PCDHGB4: variants seen among roughly 807,000 people sequenced by gnomAD.
PCDHGB4 encodes the protein protocadherin gamma-B4.
A neutral mutation model predicts 60.5 loss-of-function variants in PCDHGB4; 38 were observed. The ratio of observed to expected loss-of-function variants is 0.63; its 90% CI spans 0.48 to 0.82. The LOEUF (loss-of-function observed/expected upper bound fraction) is 0.82. PCDHGB4 is among the 40% of genes least tolerant of loss of function. The pLI, the probability that PCDHGB4 is intolerant of heterozygous loss-of-function variation, is 0.00. For missense variants in PCDHGB4, 1,109 were observed against 1,209.6 expected (o/e 0.92, Z 1.23); for synonymous variants, 456 against 509.7 (o/e 0.89, Z 1.42).
At chr5:141,450,627 C>G (rs947866993) in intron 1 of PCDHGB4, among the ~76,000 whole-genome samples, 1 of 151,592 alleles carries the variant, frequency 6.6e-6, no homozygotes, top group African/African-American at 2.4e-5. Context: ...GCTGGGATTA[C>G]AGATGCCTGC....
chr5:141,463,424 CT>C (rs2099058999), intron 1 of PCDHGB4, among the ~76,000 whole-genome samples: 1 of 148,698 alleles, frequency 6.7e-6, no homozygotes, highest in Non-Finnish European at 1.5e-5. Flanking sequence ...TTTGCGGATC[CT>C]CATTTCCTTC....
chr5:141,433,159 T>C, intron 1 of PCDHGB4: 2 of 1,613,968 alleles, frequency 1.2e-6, no homozygotes, highest in Non-Finnish European at 1.7e-6. Flanking sequence ...CGGTATTTTC[T>C]AAAGACAGTC....
Position 141,387,704 on chromosome 5 carries a change from GC to G in PCDHGB4, c.-177del, listed in dbSNP as rs1273015763. On this transcript the variant is annotated 5_prime_UTR_variant, in exon 1 of 4. Coordinates refer to ENST00000519479, the MANE Select transcript of PCDHGB4 (RefSeq NM_003736.4). ...CAGCCGCAGCGCGCTTTCCAGGGCA[GC>G]CCCAGCTCAGACTCCCCAGCGCCAG... 1 of 969,516 alleles carries G rather than the reference GC, an allele frequency of 1.0e-6. No individual in the cohort carries two copies. Among genetic ancestry groups the G allele is most frequent in the African/African-American group, 1.6e-5 (1 of 60,796 alleles). 60.1% of individuals were successfully genotyped at this position (969,516 alleles called of 1,614,324 possible).
chr5:141,419,479 C>A, intron 1 of PCDHGB4: 2 of 1,612,390 alleles, frequency 1.2e-6, no homozygotes, highest in Non-Finnish European at 1.7e-6. Flanking sequence ...AGGGCTCGCC[C>A]GCGCTCAGCG....
chr5:141,405,609 G>A, intron 1 of PCDHGB4: 1 of 562,334 alleles, frequency 1.8e-6, no homozygotes. Context: ...AGAATAACTG[G>A]GACTACAGGC....
At position 141,432,065 on chromosome 5, in the gene PCDHGB4, AC is replaced by A; in HGVS notation, c.2397+41785del. 1.2e-6 allele frequency: 2 copies of A among 1,614,048 alleles called. No homozygotes were observed. The highest frequency in any genetic ancestry group is 1.7e-6 in the Non-Finnish European group (2 of 1,180,006). On this transcript the variant is annotated intron_variant, in intron 1 of 3. Transcript: ENST00000519479. The surrounding 1 kb of genome is among the most constrained non-coding windows in gnomAD (Gnocchi z 6.0). ...GGGAACCCCGCCCCTATCCACGGAA[AC>A]TCATATCTCGCTGAACGTGGCAGAC...
intron 1 of PCDHGB4, chr5:141,426,221 A>G (rs1279749881): frequency 6.3e-6 from 1 of 158,300 alleles, no homozygotes; most frequent in Non-Finnish European, 1.4e-5. Context: ...GGAAGTAAAT[A>G]TTTTAAAAGC....
At chr5:141,399,708 A>C (rs769072460) in intron 1 of PCDHGB4, 50 of 1,613,374 alleles carry the variant, frequency 3.1e-5, no homozygotes, top group Non-Finnish European at 4.2e-5. Context: ...TCGAACTCAC[A>C]CTACAGGCCC....
intron 1 of PCDHGB4, chr5:141,410,849 CTTTT>C (rs759346998): frequency 4.9e-3 from 673 of 137,520 alleles, no homozygotes; most frequent in South Asian, 8.7e-3. Flanking sequence ...TTGTCTTTGT[CTTTT>C]TTTTTTTTTT....
rs759642890 is a variant in PCDHGB4 at position 141,389,812 on chromosome 5, C to A, written c.1928C>A (p.Ala643Asp). ...GCCGTCCGCCAGCGCCTTCTGGTCG[C>A]CGTGCGTGACGGTGGACAGCCACCA... The part of the protein sequence containing the change: ...RDAVRQRLLV[A>D]VRDGGQPPLS... Residue 643 changes from alanine (A) to aspartate (D), a missense_variant, in exon 1 of 4, where the codon GCC becomes GAC. By Grantham distance (126) the Ala-to-Asp change is moderately radical. This residue lies in a region of PCDHGB4 where 1,068 missense variants were observed against 1,089.9 expected (regional missense o/e 0.98). Transcript: ENST00000519479. 6.8e-6 allele frequency: 11 copies of A among 1,613,768 alleles called. No individual in the cohort carries two copies. The South Asian group carries it at 1.2e-4, about 18-fold the overall frequency.
At chr5:141,413,151 T>C (rs1192899612) in intron 1 of PCDHGB4, 5 of 1,573,560 alleles carry the variant, frequency 3.2e-6, no homozygotes, top group South Asian at 1.2e-5. Context: ...GTGAGGACTT[T>C]GCAGAATTCT....
chr5:141,487,695 C>T lies in PCDHGB4; in HGVS notation c.2398-7112C>T, dbSNP rs1345224043. The stretch of plus-strand genomic sequence containing the variant: ...TGGCTAGGCCATGTCCTAGAGAGTA[C>T]TGGCCTCTCAGTAAGTGCCCATAGT... On this transcript the variant is annotated intron_variant, in intron 1 of 3. Coordinates refer to ENST00000519479, the MANE Select transcript of PCDHGB4 (RefSeq NM_003736.4). The surrounding 1 kb of genome is among the most constrained non-coding windows in gnomAD (Gnocchi z 5.0). 2 of 1,601,306 alleles carry T rather than the reference C, an allele frequency of 1.2e-6. No individual in the cohort carries two copies. Among genetic ancestry groups the T allele is most frequent in the East Asian group, 2.2e-5 (1 of 44,606 alleles).
At position 141,388,735 on chromosome 5, in the gene PCDHGB4, C is replaced by A; in HGVS notation, c.851C>A (p.Ala284Asp). 6.2e-7 allele frequency: 1 copy of A among 1,613,974 alleles called. No individual in the cohort carries two copies. The highest frequency in any genetic ancestry group is 2.2e-5 in the East Asian group (1 of 44,878). ...NAEITFSFSE[A>D]SQITQFDLNS... ...GAGATTACTTTCTCTTTCAGTGAAG[C>A]TAGCCAGATCACCCAATTTGACCTG... Residue 284 changes from alanine (A) to aspartate (D), a missense_variant, in exon 1 of 4, where the codon GCT (alanine) becomes GAT (aspartate). Ala to Asp is a moderately radical substitution (Grantham distance 126). This residue lies in a region of PCDHGB4 where 1,068 missense variants were observed against 1,089.9 expected (regional missense o/e 0.98). Coordinates refer to ENST00000519479, the MANE Select transcript of PCDHGB4 (RefSeq NM_003736.4).
intron 1 of PCDHGB4, chr5:141,404,094 A>C: frequency 6.2e-7 from 1 of 1,613,620 alleles, no homozygotes; most frequent in South Asian, 1.1e-5. Context: ...AAGAATGGTC[A>C]AGTTGTCTGT....
chr5:141,509,699 C>T (rs779592471), intron 3 of PCDHGB4, among the ~76,000 whole-genome samples: 4 of 152,168 alleles, frequency 2.6e-5, no homozygotes, highest in Non-Finnish European at 5.9e-5. Flanking sequence ...GGACGTTGGA[C>T]TGGAGGTGCT....
intron 3 of PCDHGB4, among the ~76,000 whole-genome samples, chr5:141,506,381 G>A (rs750584158): frequency 2.0e-5 from 3 of 151,216 alleles, no homozygotes; most frequent in Non-Finnish European, 4.4e-5. Context: ...CCTGGGAGGT[G>A]GCTGTGGTGA....
At chr5:141,501,691 G>C (rs910322085) in intron 2 of PCDHGB4, among the ~76,000 whole-genome samples, 1 of 152,092 alleles carries the variant, frequency 6.6e-6, no homozygotes, top group Non-Finnish European at 1.5e-5. Context: ...CTTATCTGCA[G>C]GGTGATTCCG....
At position 141,487,080 on chromosome 5, in the gene PCDHGB4, C is replaced by G. The variant is rs2154580766; in HGVS notation, c.2398-7727C>G. 1 of 1,614,126 alleles carries G rather than the reference C, an allele frequency of 6.2e-7. No individual in the cohort carries two copies. Among genetic ancestry groups the G allele is most frequent in the East Asian group, 2.2e-5 (1 of 44,872 alleles). On this transcript the variant is annotated intron_variant, in intron 1 of 3. Coordinates refer to ENST00000519479, the MANE Select transcript of PCDHGB4 (RefSeq NM_003736.4). This position sits in a 1 kb window ranked among gnomAD's most constrained non-coding sequence, Gnocchi z 5.0. ...GTGCGGACGGCTGTTCCTATCCCAG[C>G]TGACCTCCCACCACAGAAGCTGGTC...
intron 1 of PCDHGB4, among the ~76,000 whole-genome samples, chr5:141,469,739 A>G (rs1352751978): frequency 1.3e-5 from 2 of 152,262 alleles, no homozygotes; most frequent in African/African-American, 4.8e-5. Flanking sequence ...TACACACCTC[A>G]AAAATTACAA....
Sources: gnomAD v4.1 joint callset for allele counts (sites outside exome capture counted in the v4.1 genomes callset) on GRCh38, gnomAD v4.1.1 for gene constraint, gnomAD v4.1.1 regional missense constraint, Gnocchi (gnomAD v3.1) non-coding constraint, MANE v1.5 for transcripts, NCBI Gene and HGNC (gene_info 2026-07-23, HGNC 2026-07-21) for gene names.